RNF135: variants seen among roughly 807,000 people sequenced by gnomAD.
RNF135 encodes the protein ring finger protein 135.
RNF135 carries 46 observed loss-of-function variants against 41.9 expected under a neutral mutation model. The observed-to-expected ratio is 1.10, with a 90% CI of 0.87 to 1.40. The LOEUF is 1.40. RNF135 is among the 40% of genes most tolerant of loss of function. RNF135 has a pLI of 0.00. For synonymous variants in RNF135, 238 were observed against 223.8 expected (o/e 1.06, Z -0.57); for missense variants, 539 against 549.8 (o/e 0.98, Z 0.20).
chr17:30,979,989 AT>A (rs1222730807), intron 1 of RNF135, among the ~76,000 whole-genome samples: 2 of 83,878 alleles, frequency 2.4e-5, no homozygotes, highest in Non-Finnish European at 4.6e-5. Context: ...CGGGGGGCTG[AT>A]CCTCCCACCT....
chr17:30,964,156 G>A, the RNF135 span, among the ~76,000 whole-genome samples: 1 of 152,104 alleles, frequency 6.6e-6, no homozygotes, highest in East Asian at 1.9e-4. Flanking sequence ...GGGAGGCTGA[G>A]GCAGGCGGAT....
chr17:30,962,137 T>C, the RNF135 span, among the ~76,000 whole-genome samples: 1 of 142,122 alleles, frequency 7.0e-6, no homozygotes, highest in Non-Finnish European at 1.5e-5. Context: ...TATGCTGCAC[T>C]TTTTTTTTTT....
intron 1 of RNF135, among the ~76,000 whole-genome samples, chr17:30,983,355 T>TATATATATACATATA (rs1567743409): frequency 3.2e-5 from 1 of 31,522 alleles, no homozygotes; most frequent in African/African-American, 8.0e-5. Flanking sequence ...ATATATATAT[T>TATATATATACATATA]TTTTTTTTTT....
chr17:30,975,593 A>T (rs1906375209), intron 1 of RNF135: 1 of 858,628 alleles, frequency 1.2e-6, no homozygotes. Context: ...CCACAGAGCA[A>T]AACTCAAGAA....
intron 3 of RNF135, among the ~76,000 whole-genome samples, chr17:30,991,678 T>C (rs1207122039): frequency 1.3e-5 from 2 of 151,966 alleles, no homozygotes; most frequent in Non-Finnish European, 2.9e-5. Context: ...TCTCCCAAAG[T>C]GCTGGGATTA....
intron 1 of RNF135, among the ~76,000 whole-genome samples, chr17:30,973,517 G>C (rs530785672): frequency 1.3e-5 from 2 of 151,820 alleles, no homozygotes; most frequent in South Asian, 4.2e-4. Flanking sequence ...CCCAGGGATG[G>C]AGTGCAGTGA....
At chr17:30,978,971 G>C (rs2142681093) in intron 1 of RNF135, 1 of 199,470 alleles carries the variant, frequency 5.0e-6, no homozygotes, top group Admixed American at 6.5e-5. Context: ...ATTTTTCTTA[G>C]TACAGAACAA....
chr17:30,974,854 T>G (rs1028203506), intron 1 of RNF135, among the ~76,000 whole-genome samples: 3 of 152,018 alleles, frequency 2.0e-5, no homozygotes, highest in African/African-American at 7.2e-5. Context: ...AATTTTTATA[T>G]TTTTGTAGAG....
chr17:30,975,793 C>A, intron 1 of RNF135: 2 of 1,054,918 alleles, frequency 1.9e-6, no homozygotes, highest in Non-Finnish European at 3.0e-6. Context: ...TGTACCCCAA[C>A]ATCAAGGTCC....
At chr17:30,962,591 G>A in the RNF135 span, among the ~76,000 whole-genome samples, 1 of 151,954 alleles carries the variant, frequency 6.6e-6, no homozygotes, top group African/African-American at 2.4e-5. Context: ...TCAGCCTCCC[G>A]AGTAGCTGGG....
upstream of RNF135, among the ~76,000 whole-genome samples, chr17:30,968,602 A>G (rs978691460): frequency 2.6e-5 from 4 of 151,502 alleles, no homozygotes; most frequent in South Asian, 2.1e-4. Flanking sequence ...GTTAGCCAGA[A>G]TGGTCTCAAT....
chr17:30,984,600 A>C lies in RNF135; in HGVS notation c.373-17A>C. ...CAGTTTTATAGAACCCAGGACCTGA[A>C]CTTTGCTATTTTGAAGGTGGCAGTA... On this transcript the variant is annotated splice_polypyrimidine_tract_variant and intron_variant, in intron 1 of 4. Coordinates refer to ENST00000328381, the MANE Select transcript of RNF135 (RefSeq NM_032322.4). 1.2e-6 allele frequency: 2 copies of C among 1,614,152 alleles called. No individual in the cohort carries two copies. Among genetic ancestry groups the C allele is most frequent in the Non-Finnish European group, 1.7e-6 (2 of 1,180,030 alleles).
upstream of RNF135, among the ~76,000 whole-genome samples, chr17:30,968,493 C>T (rs1442351974): frequency 2.6e-5 from 4 of 151,080 alleles, no homozygotes; most frequent in African/African-American, 4.9e-5. Flanking sequence ...TCAGGTCATT[C>T]TCCTCCCTCA....
chr17:30,962,261 T>C, the RNF135 span, among the ~76,000 whole-genome samples: 2 of 151,958 alleles, frequency 1.3e-5, no homozygotes, highest in Non-Finnish European at 2.9e-5. Context: ...GCCTCCCAAG[T>C]AGCTGGGATT....
the RNF135 span, among the ~76,000 whole-genome samples, chr17:30,960,171 A>T: frequency 6.6e-6 from 1 of 152,004 alleles, no homozygotes; most frequent in Non-Finnish European, 1.5e-5. Flanking sequence ...AGGCAGGCAG[A>T]TCATGAGGTC....
chr17:30,971,828 G>A (rs1305024082), intron 1 of RNF135: 1 of 667,380 alleles, frequency 1.5e-6, no homozygotes, highest in African/African-American at 2.0e-5. Flanking sequence ...CTGTCGCCCA[G>A]GCTGGATGGA....
At chr17:30,997,183 G>T in intron 3 of RNF135, 59 bp from the exon 4 acceptor site, 1 of 1,280,612 alleles carries the variant, frequency 7.8e-7, no homozygotes, top group South Asian at 1.2e-5. Context: ...GATGTTTGGA[G>T]ACCTTCAGTT....
the RNF135 span, chr17:30,965,069 G>GGCT: frequency 6.6e-6 from 1 of 152,102 alleles, no homozygotes; most frequent in African/African-American, 2.4e-5. Context: ...AAAATTTCAG[G>GGCT]GCTGGACGTG....
chr17:30,997,343 G>A lies in RNF135; in HGVS notation c.769+12G>A, dbSNP rs1379588056. The A allele has an allele frequency of 6.2e-7, 1 of 1,611,924 alleles. No homozygotes were observed. The highest frequency in any genetic ancestry group is 1.7e-5 in the Admixed American group (1 of 60,000). On this transcript the variant is annotated intron_variant, in intron 4 of 4. Coordinates refer to ENST00000328381, the MANE Select transcript of RNF135 (RefSeq NM_032322.4). ...TCGGTTTGCTCAGTGTAAGTATGTGGTCCACTTTAAACATGGGTTTGGCTT... is the reference window on the plus strand; with the variant it reads ...TCGGTTTGCTCAGTGTAAGTATGTGATCCACTTTAAACATGGGTTTGGCTT...
Sources: gnomAD v4.1 joint callset for allele counts (sites outside exome capture counted in the v4.1 genomes callset) on GRCh38, gnomAD v4.1.1 for gene constraint, MANE v1.5 for transcripts, NCBI Gene and HGNC (gene_info 2026-07-23, HGNC 2026-07-21) for gene names.